UBE3D: variants seen among roughly 807,000 people sequenced by gnomAD.
The protein encoded by UBE3D is ubiquitin protein ligase E3D, also known as E3 ubiquitin-protein ligase E3D.
Under a neutral mutation model 49.6 loss-of-function variants are expected in UBE3D, and 48 were observed. The observed-to-expected ratio is 0.97, with a 90% CI of 0.77 to 1.23. The LOEUF (loss-of-function observed/expected upper bound fraction) is 1.23, where lower values mean the gene tolerates loss of function less well. Ranked by LOEUF, UBE3D falls within the 50% of genes most tolerant of loss-of-function variation. UBE3D has a pLI of 0.00. For synonymous variants in UBE3D, 189 were observed against 174.2 expected (o/e 1.08, Z -0.67); for missense variants, 452 against 468.4 (o/e 0.96, Z 0.32).
intron 3 of UBE3D, chr6:83,049,889 G>A (rs188097061): frequency 1.1e-4 from 49 of 448,680 alleles, no homozygotes; most frequent in Admixed American, 8.5e-4. Flanking sequence ...GGCTGTTTCT[G>A]AGACTATTCA....
At chr6:83,055,371 C>T (rs1264275294) in intron 2 of UBE3D, among the ~76,000 whole-genome samples, 2 of 152,120 alleles carry the variant, frequency 1.3e-5, no homozygotes, top group Admixed American at 6.6e-5. Context: ...AAAACTGATG[C>T]TAGAAGGTTT....
chr6:82,984,410 G>A, intron 8 of UBE3D, among the ~76,000 whole-genome samples: 1 of 152,118 alleles, frequency 6.6e-6, no homozygotes, highest in South Asian at 2.1e-4. Context: ...ATGTGTCCCT[G>A]AAATAATTCC....
intron 8 of UBE3D, among the ~76,000 whole-genome samples, chr6:83,012,761 A>G (rs538944224): frequency 3.5e-4 from 54 of 152,298 alleles, no homozygotes; most frequent in Admixed American, 1.8e-3. Flanking sequence ...CCCATGCATC[A>G]GTATATAATT....
chr6:83,058,754 G>A (rs1783978133), intron 1 of UBE3D, among the ~76,000 whole-genome samples: 1 of 152,220 alleles, frequency 6.6e-6, no homozygotes, highest in African/African-American at 2.4e-5. Flanking sequence ...ATGTGCTCAG[G>A]TGTGGATCTT....
At chr6:83,026,206 A>G (rs1164600755) in intron 5 of UBE3D, among the ~76,000 whole-genome samples, 2 of 152,050 alleles carry the variant, frequency 1.3e-5, no homozygotes, top group African/African-American at 4.8e-5. Context: ...AGCACTTTGG[A>G]AGGCCAAGGC....
intron 9 of UBE3D, among the ~76,000 whole-genome samples, chr6:82,934,946 A>ATG (rs1173578048): frequency 7.4e-6 from 1 of 134,410 alleles, no homozygotes; most frequent in Admixed American, 8.1e-5. Context: ...ATATGTATAT[A>ATG]TGTATATATA....
Position 83,044,521 on chromosome 6 carries a change from GAAGA to G in UBE3D, c.500_503del (p.Phe167SerfsTer3). 1 of 1,614,116 alleles carries G rather than the reference GAAGA, an allele frequency of 6.2e-7. No individual in the cohort carries two copies. ...ACAAACTGGTTCTTAAATTCACCAA[GAAGA>G]AAGAGTCTCCAATAAAACAGTCATT... On this transcript the variant is annotated frameshift_variant, in exon 4 of 10. Transcript: ENST00000369747. LOFTEE classifies it high-confidence loss of function.
intron 8 of UBE3D, among the ~76,000 whole-genome samples, chr6:83,008,466 C>A (rs1780129802): frequency 6.6e-6 from 1 of 152,120 alleles, no homozygotes; most frequent in Non-Finnish European, 1.5e-5. Context: ...CGCTGTTGCT[C>A]ACCAAGATGT....
chr6:83,033,975 A>C (rs942689429), intron 5 of UBE3D, among the ~76,000 whole-genome samples: 1 of 152,226 alleles, frequency 6.6e-6, no homozygotes, highest in Non-Finnish European at 1.5e-5. Flanking sequence ...CAGGCAAAAC[A>C]AAATTACAAA....
chr6:83,040,467 C>A (rs1782596158), intron 4 of UBE3D, among the ~76,000 whole-genome samples: 1 of 151,886 alleles, frequency 6.6e-6, no homozygotes, highest in Non-Finnish European at 1.5e-5. Context: ...ATACTGGGGT[C>A]TTTCTCTATG....
At chr6:83,062,595 C>T (rs1247047897) in intron 1 of UBE3D, among the ~76,000 whole-genome samples, 2 of 152,132 alleles carry the variant, frequency 1.3e-5, no homozygotes, top group East Asian at 3.9e-4. Context: ...ATAAAATATA[C>T]TAAACATTTT....
intron 5 of UBE3D, chr6:83,032,196 C>T (rs539386632): frequency 6.6e-6 from 3 of 456,218 alleles, no homozygotes; most frequent in African/African-American, 2.0e-5. Context: ...AGAAAAGCCA[C>T]AGTACCTCAA....
chr6:83,018,833 T>A (rs1250614867), intron 8 of UBE3D, 140 bp downstream of exon 8: 2 of 871,764 alleles, frequency 2.3e-6, no homozygotes, highest in African/African-American at 3.5e-5. Context: ...TTTAAACATA[T>A]AATATTTAGC....
intron 8 of UBE3D, among the ~76,000 whole-genome samples, chr6:82,968,869 T>C (rs528643124): frequency 6.6e-6 from 1 of 152,222 alleles, no homozygotes. Flanking sequence ...TTATCTTATT[T>C]TCAAATTTTG....
chr6:82,929,939 T>A (rs184318353), intron 9 of UBE3D, among the ~76,000 whole-genome samples: 22 of 152,284 alleles, frequency 1.4e-4, no homozygotes, highest in Non-Finnish European at 2.1e-4. Flanking sequence ...TCACTCTTAG[T>A]GGTGTACATT....
chr6:83,009,207 A>T (rs1582626227), intron 8 of UBE3D, among the ~76,000 whole-genome samples: 1 of 152,212 alleles, frequency 6.6e-6, no homozygotes. Flanking sequence ...TCAAAAGACA[A>T]ACTGGTACAT....
At chr6:82,979,143 A>G (rs1777936326) in intron 8 of UBE3D, among the ~76,000 whole-genome samples, 1 of 152,202 alleles carries the variant, frequency 6.6e-6, no homozygotes, top group African/African-American at 2.4e-5. Context: ...AGGGTTTTTT[A>G]AAAGAGCCCC....
intron 3 of UBE3D, among the ~76,000 whole-genome samples, chr6:83,047,692 AC>A (rs936041892): frequency 1.3e-5 from 2 of 152,152 alleles, no homozygotes; most frequent in African/African-American, 4.8e-5. Flanking sequence ...TGGCCACTAA[AC>A]ACACCTTATT....
intron 5 of UBE3D, among the ~76,000 whole-genome samples, chr6:83,024,776 T>G: frequency 6.6e-6 from 1 of 152,174 alleles, no homozygotes; most frequent in African/African-American, 2.4e-5. Context: ...CCAGTGCGCA[T>G]GGGGAACTGT....
Sources: gnomAD v4.1 joint callset for allele counts (sites outside exome capture counted in the v4.1 genomes callset) on GRCh38, gnomAD v4.1.1 for gene constraint, MANE v1.5 for transcripts, NCBI Gene and HGNC (gene_info 2026-07-23, HGNC 2026-07-21) for gene names.